Variants in USP25 observed in about 807,000 individuals in gnomAD.
The protein encoded by USP25 is ubiquitin specific peptidase 25, also known as ubiquitin carboxyl-terminal hydrolase 25.
In USP25, 85 loss-of-function variants were observed where a neutral mutation model predicts 158.5. That is an observed-to-expected ratio of 0.54 (90% CI 0.45 to 0.64). The LOEUF (loss-of-function observed/expected upper bound fraction) is 0.64, where lower values mean the gene tolerates loss of function less well. Ranked by LOEUF, USP25 falls within the 30% of genes least tolerant of loss-of-function variation. The pLI, the probability that USP25 is intolerant of heterozygous loss-of-function variation, is 0.00. For synonymous variants in USP25, 464 were observed against 460.4 expected (o/e 1.01, Z -0.10); for missense variants, 1,242 against 1,327.3 (o/e 0.94, Z 1.00).
rs1446779269 is a variant in USP25 at position 15,804,265 on chromosome 21, C to A, written c.643-856C>A. On this transcript the variant is annotated intron_variant, in intron 6 of 25. Coordinates refer to ENST00000400183, the MANE Select transcript of USP25 (RefSeq NM_001283041.3). ...AAGTTGGGGAAAAGATATAGAAATTCTTGTCTTTGAGAATCTTATAGTCTT... is the reference window on the plus strand; with the variant it reads ...AAGTTGGGGAAAAGATATAGAAATTATTGTCTTTGAGAATCTTATAGTCTT... Among the ~76,000 whole-genome samples, 5 of 151,450 alleles carry A rather than the reference C, an allele frequency of 3.3e-5. No homozygotes were observed. The South Asian group carries it at 8.4e-4, about 25-fold the overall frequency.
intron 20 of USP25, among the ~76,000 whole-genome samples, chr21:15,862,658 T>A (rs2039478543): frequency 6.6e-6 from 1 of 150,492 alleles, no homozygotes; most frequent in Non-Finnish European, 1.5e-5. Context: ...AGGCACACAG[T>A]AAGCGTTGAT....
intron 20 of USP25, among the ~76,000 whole-genome samples, chr21:15,863,953 C>T (rs1374856688): frequency 6.6e-6 from 1 of 151,282 alleles, no homozygotes; most frequent in East Asian, 2.0e-4. Flanking sequence ...AGGAGATTCA[C>T]TTGAACCTGA....
chr21:15,767,096 A>T (rs1036887161), intron 3 of USP25, among the ~76,000 whole-genome samples: 34 of 152,074 alleles, frequency 2.2e-4, no homozygotes, highest in African/African-American at 8.0e-4. Context: ...TAGCATATAT[A>T]AGATAGACCT....
chr21:15,803,625 C>T (rs1426223714), intron 6 of USP25, among the ~76,000 whole-genome samples: 1 of 151,768 alleles, frequency 6.6e-6, no homozygotes, highest in Non-Finnish European at 1.5e-5. Flanking sequence ...CAGCAGAATT[C>T]CACTAATTTC....
intron 20 of USP25, among the ~76,000 whole-genome samples, chr21:15,856,565 G>A (rs942178147): frequency 1.3e-5 from 2 of 151,792 alleles, no homozygotes; most frequent in South Asian, 2.1e-4. Context: ...TCCGCCTCCC[G>A]GGTTCACGCC....
At chr21:15,803,402 C>CCTTTATATATATAGAGATATATATAT (rs2036225916) in intron 6 of USP25, among the ~76,000 whole-genome samples, 1 of 151,622 alleles carries the variant, frequency 6.6e-6, no homozygotes, top group Admixed American at 6.6e-5. Flanking sequence ...AAGGATAATA[C>CCTTTATATATATAGAGATATATATAT]CTCATAGAGA....
In USP25 at chr21:15,826,961, C is replaced by A; in HGVS notation, c.1467-16C>A. 6.2e-7 allele frequency: 1 copy of A among 1,611,094 alleles called. No homozygotes were observed. Among genetic ancestry groups the A allele is most frequent in the South Asian group, 1.1e-5 (1 of 91,058 alleles). ...GCTTGAAAGGTTAATAAGAAATACT[C>A]TATGCTTTGATACAGCACAACAGAA... On this transcript the variant is annotated splice_polypyrimidine_tract_variant and intron_variant, in intron 13 of 25. Transcript: ENST00000400183. This position sits in a 1 kb window ranked among gnomAD's most constrained non-coding sequence, Gnocchi z 4.8.
Position 15,833,549 on chromosome 21 carries a change from G to C in USP25, c.2194+1G>C. 6.2e-7 allele frequency: 1 copy of C among 1,610,176 alleles called. No homozygotes were observed. Among genetic ancestry groups the C allele is most frequent in the Non-Finnish European group, 8.5e-7 (1 of 1,178,376 alleles). ...GAGTCAGAGACTTCTGTGACAACAG[G>C]TTTGTCCATTTTTATTAAGTTGTGT... On this transcript the variant is annotated splice_donor_variant, in intron 17 of 25. Transcript: ENST00000400183. LOFTEE classifies it high-confidence loss of function.
At chr21:15,821,093 T>A (rs1293057744) in intron 10 of USP25, among the ~76,000 whole-genome samples, 1 of 151,974 alleles carries the variant, frequency 6.6e-6, no homozygotes, top group Non-Finnish European at 1.5e-5. Context: ...GAAAAAAATT[T>A]CAGATAGTAA....
intron 4 of USP25, among the ~76,000 whole-genome samples, chr21:15,789,091 C>T (rs2035451491): frequency 6.6e-6 from 1 of 151,972 alleles, no homozygotes; most frequent in South Asian, 2.1e-4. Flanking sequence ...CATTTGAGGC[C>T]ACACATTCTT....
rs367884487 is a variant in USP25 at position 15,734,055 on chromosome 21, G to A, written c.45+3617G>A. 9.9e-5 allele frequency among the ~76,000 whole-genome samples: 15 copies of A among 152,268 alleles called. No individual in the cohort carries two copies. The East Asian group carries it at 1.5e-3, about 16-fold the overall frequency. ...TAGTATGTTAAGGCTTTAAACTTTA[G>A]CAACTTCTTTAGATTAGATTGTTTA... On this transcript the variant is annotated intron_variant, in intron 1 of 25. Transcript: ENST00000400183.
intron 16 of USP25, among the ~76,000 whole-genome samples, chr21:15,831,998 A>G (rs1487161892): frequency 6.6e-6 from 1 of 152,140 alleles, no homozygotes; most frequent in Non-Finnish European, 1.5e-5. Context: ...TTTTGAATTT[A>G]TATCCTTACT....
Position 15,877,846 on chromosome 21 carries a change from A to C in USP25, c.3060A>C (p.Glu1020Asp), listed in dbSNP as rs777876731. 7 of 1,613,272 alleles carry C rather than the reference A, an allele frequency of 4.3e-6. No individual in the cohort carries two copies. In the Admixed American group the frequency reaches 8.3e-5, roughly 19 times the overall value. ...TCTTCGAATCTGGAGAGGATCGAGAAGTAAACAATGGTTTGATTATCATGA... is the reference window on the plus strand; with the variant it reads ...TCTTCGAATCTGGAGAGGATCGAGACGTAAACAATGGTTTGATTATCATGA... The part of the protein sequence containing the change: ...AELFESGEDR[E>D]VNNGLIIMNE... The change falls in exon 25 of 26, where the codon GAA (glutamate) becomes GAC (aspartate). Residue 1020 changes from glutamate (E) to aspartate (D), a missense_variant. Glu to Asp is a conservative substitution (Grantham distance 45). This residue lies in a region of USP25 where 608 missense variants were observed against 605.2 expected (regional missense o/e 1.00). Transcript: ENST00000400183.
chr21:15,734,276 A>G (rs79763812), intron 1 of USP25, among the ~76,000 whole-genome samples: 11,635 of 152,236 alleles, frequency 0.076, 509 homozygotes, highest in East Asian at 0.099. Context: ...ATTCAGGGTA[A>G]ATTTCTTACT....
intron 20 of USP25, among the ~76,000 whole-genome samples, chr21:15,850,122 T>C (rs1338074075): frequency 2.6e-5 from 4 of 152,056 alleles, no homozygotes; most frequent in African/African-American, 9.7e-5. Context: ...TGCTTTTGAT[T>C]TGTCAGCAGA....
intron 17 of USP25, among the ~76,000 whole-genome samples, chr21:15,834,860 A>G (rs78113969): frequency 0.085 from 12,935 of 152,254 alleles, 633 homozygotes; most frequent in Non-Finnish European, 0.1. Flanking sequence ...CCACGTGTAC[A>G]AGGCTACCGC....
chr21:15,866,151 A>T (rs1015623751), intron 21 of USP25, 115 bp from the exon 22 acceptor site: 1 of 499,876 alleles, frequency 2.0e-6, no homozygotes, highest in African/African-American at 2.0e-5. Context: ...TTTCTATACA[A>T]AAGTACTGCT....
chr21:15,762,912 C>A lies in USP25; in HGVS notation c.67C>A (p.Gln23Lys). 6.2e-7 allele frequency: 1 copy of A among 1,612,516 alleles called. No individual in the cohort carries two copies. The highest frequency in any genetic ancestry group is 1.1e-5 in the South Asian group (1 of 90,878). The change falls in exon 2 of 26, where the codon CAA (glutamine) becomes AAA (lysine). Residue 23 changes from glutamine (Q) to lysine (K), a missense_variant. Physicochemically the swap from Gln to Lys is moderately conservative, Grantham distance 53. Coordinates refer to ENST00000400183, the MANE Select transcript of USP25 (RefSeq NM_001283041.3). ...AQKHQQTFLN[Q>K]LREITGINDT... ...CTAGCACCAGCAGACGTTTTTGAAT[C>A]AACTGAGAGAAATTACGGGGATTAA...
At chr21:15,878,137 T>C in intron 25 of USP25, 146 bp downstream of exon 25, 1 of 1,076,232 alleles carries the variant, frequency 9.3e-7, no homozygotes, top group Non-Finnish European at 1.3e-6. Context: ...TCTTTTTCCA[T>C]ATTGATGAAC....
Sources: gnomAD v4.1 joint callset for allele counts (sites outside exome capture counted in the v4.1 genomes callset) on GRCh38, gnomAD v4.1.1 for gene constraint, gnomAD v4.1.1 regional missense constraint, Gnocchi (gnomAD v3.1) non-coding constraint, MANE v1.5 for transcripts, NCBI Gene and HGNC (gene_info 2026-07-23, HGNC 2026-07-21) for gene names.